The following ETHE1 variants were observed in gnomAD, a reference collection of about 807,000 sequenced individuals.
The protein encoded by ETHE1 is ETHE1 persulfide dioxygenase.
In ETHE1, 16 loss-of-function variants were observed where a neutral mutation model predicts 25.7. The ratio of observed to expected loss-of-function variants is 0.62; its 90% CI spans 0.42 to 0.95. The LOEUF (loss-of-function observed/expected upper bound fraction) is 0.95. Among genes scored for constraint, ETHE1 ranks in the 40% least tolerant of loss-of-function variants. The pLI, the probability that ETHE1 is intolerant of heterozygous loss-of-function variation, is 0.00. For synonymous variants in ETHE1, 139 were observed against 135.9 expected, an observed-to-expected ratio of 1.02 and a Z score of -0.16; for missense variants, 300 against 333.6, an observed-to-expected ratio of 0.90 and a Z score of 0.79.
At chr19:43,509,639 CA>C (rs1199628405) in intron 4 of ETHE1, among the ~76,000 whole-genome samples, 1 of 151,126 alleles carries the variant, frequency 6.6e-6, no homozygotes, top group Admixed American at 6.6e-5. Flanking sequence ...ACTAAAAATA[CA>C]AAAAAATTAG....
chr19:43,507,475 C>T (rs1294370686), intron 6 of ETHE1, among the ~76,000 whole-genome samples: 1 of 127,732 alleles, frequency 7.8e-6, no homozygotes, highest in Non-Finnish European at 1.7e-5. Flanking sequence ...GGAGTCCAGG[C>T]CCCCAGTTCC....
rs771375884 is a variant in ETHE1, at chr19:43,507,860, A to G, written c.712+84T>C. Reference sequence around the variant, plus strand: ...CTCAGACCCAGGAGTCCAGGCCCCCAGCCCCTCCTCTCTCAGACCCAGGAG... The same window carrying G: ...CTCAGACCCAGGAGTCCAGGCCCCCGGCCCCTCCTCTCTCAGACCCAGGAG... On this transcript the variant is annotated intron_variant, in intron 6 of 6. Coordinates refer to ENST00000292147, the MANE Select transcript of ETHE1 (RefSeq NM_014297.5). The G allele has an allele frequency of 1.6e-5, 19 of 1,180,278 alleles. 1 individual carries two copies. In the South Asian group the frequency reaches 2.5e-4, roughly 15 times the overall value. 73.1% of individuals were successfully genotyped at this position (1,180,278 alleles called of 1,614,324 possible).
At chr19:43,516,649 A>T in intron 3 of ETHE1, among the ~76,000 whole-genome samples, 1 of 114,820 alleles carries the variant, frequency 8.7e-6, no homozygotes, top group African/African-American at 3.5e-5. Flanking sequence ...TTTGAGATAG[A>T]GTCTCTCTCT....
At chr19:43,509,055 T>G (rs897406980) in intron 4 of ETHE1, among the ~76,000 whole-genome samples, 191 bp from the exon 5 acceptor site, 2 of 152,162 alleles carry the variant, frequency 1.3e-5, no homozygotes, top group Non-Finnish European at 2.9e-5. Flanking sequence ...ATACAAAGAA[T>G]TGAGGAATGT....
chr19:43,513,316 A>G (rs1170008879), intron 3 of ETHE1, among the ~76,000 whole-genome samples: 4 of 148,560 alleles, frequency 2.7e-5, no homozygotes, highest in Non-Finnish European at 6.0e-5. Context: ...CAGAACCCAG[A>G]GTGTTAGATC....
chr19:43,521,462 T>C (rs1400064407), intron 3 of ETHE1, among the ~76,000 whole-genome samples: 3 of 152,158 alleles, frequency 2.0e-5, no homozygotes, highest in Non-Finnish European at 4.4e-5. Flanking sequence ...AGGGTGTCTC[T>C]GGGCTTCACA....
At position 43,513,109 on chromosome 19, in the gene ETHE1, GGAGCCTCCAGCTAGATTTGA is replaced by G. The variant is rs1444654215; in HGVS notation, c.376-1563_376-1544del. Among the ~76,000 whole-genome samples, 5 of 152,314 alleles carry G rather than the reference GGAGCCTCCAGCTAGATTTGA, an allele frequency of 3.3e-5. No individual in the cohort carries two copies. The East Asian group carries it at 9.7e-4, about 29-fold the overall frequency. On this transcript the variant is annotated intron_variant, in intron 3 of 6. Transcript: ENST00000292147. ...AACAGAAGTCAAGAACAGAGGTTTG[GGAGCCTCCAGCTAGATTTGA>G]GAGGCTGTATGGAAATGCCTGGATG... is the stretch of plus-strand genomic sequence containing the variant.
chr19:43,526,761 A>G, intron 1 of ETHE1, 102 bp from the exon 2 acceptor site: 1 of 1,578,018 alleles, frequency 6.3e-7, no homozygotes, highest in Non-Finnish European at 8.6e-7. Context: ...ATCCAGAAGC[A>G]GAAACCCCAG....
rs181304895 is a variant in ETHE1, at chr19:43,507,462, C to A, written c.712+482G>T. Among the ~76,000 whole-genome samples the A allele has an allele frequency of 1.1e-3, 131 of 120,722 alleles. 3 individuals are homozygous for A. The highest frequency in any genetic ancestry group is 1.7e-3 in the Non-Finnish European group (97 of 57,648). 79.2% of individuals were successfully genotyped at this position (120,722 alleles called of 152,430 possible). On this transcript the variant is annotated intron_variant, in intron 6 of 6. Coordinates refer to ENST00000292147, the MANE Select transcript of ETHE1 (RefSeq NM_014297.5). ...GTCCCCAGTCCCTCCTCCCTCAGAT[C>A]CAGGAGTCCAGGCCCCCAGTTCCTC...
rs537464365 is a variant in ETHE1, at chr19:43,508,930, G to A, written c.506-66C>T. The A allele has an allele frequency of 1.7e-5, 21 of 1,209,118 alleles. No individual in the cohort carries two copies. In the East Asian group the frequency reaches 4.9e-4, roughly 28 times the overall value. The allele number at this position is 1,209,118 out of a possible 1,614,324, so 74.9% of individuals were successfully genotyped here. ...AGAAGACTCTAACCCCTTCCTTCAA[G>A]AAAAGGGTAGGAGGATAAAATCACT... On this transcript the variant is annotated intron_variant, in intron 4 of 6. Transcript: ENST00000292147.
chr19:43,517,961 A>C (rs981581202), intron 3 of ETHE1, among the ~76,000 whole-genome samples: 9 of 151,586 alleles, frequency 5.9e-5, no homozygotes, highest in Non-Finnish European at 1.3e-4. Flanking sequence ...AAAAAAAAAA[A>C]CAAAAAACAA....
intron 3 of ETHE1, among the ~76,000 whole-genome samples, chr19:43,525,153 AG>A (rs1972215154): frequency 6.8e-6 from 1 of 147,696 alleles, no homozygotes; most frequent in East Asian, 2.2e-4. Flanking sequence ...AAAGAAAGAA[AG>A]AAAAAAAAAA....
At chr19:43,516,096 T>G (rs1972013986) in intron 3 of ETHE1, among the ~76,000 whole-genome samples, 1 of 152,188 alleles carries the variant, frequency 6.6e-6, no homozygotes, top group Non-Finnish European at 1.5e-5. Context: ...CACGCTATGG[T>G]TGACCACAGA....
chr19:43,509,782 C>T (rs910661656), intron 4 of ETHE1, among the ~76,000 whole-genome samples: 3 of 152,018 alleles, frequency 2.0e-5, no homozygotes, highest in Admixed American at 6.6e-5. Context: ...GGCGACAGAG[C>T]GAGACTCCGT....
At chr19:43,526,735 CTA>C (rs1972258490) in intron 1 of ETHE1, 76 bp from the exon 2 acceptor site, 1 of 1,605,528 alleles carries the variant, frequency 6.2e-7, no homozygotes, top group African/African-American at 1.3e-5. Flanking sequence ...CAGACTGACC[CTA>C]TCCTCTTCCT....
chr19:43,525,976 CTT>C, intron 3 of ETHE1: 2 of 617,566 alleles, frequency 3.2e-6, no homozygotes, highest in Non-Finnish European at 5.7e-6. Context: ...ATGCTGTTGA[CTT>C]AGGAGTTCCG....
intron 3 of ETHE1, among the ~76,000 whole-genome samples, chr19:43,520,790 G>T (rs2682566): frequency 0.77 from 116,469 of 151,982 alleles, 45,292 homozygotes; most frequent in African/African-American, 0.92. Flanking sequence ...GTTTCACAAT[G>T]TTAAAAGGAG....
At chr19:43,522,579 T>C (rs1033523723) in intron 3 of ETHE1, among the ~76,000 whole-genome samples, 1 of 151,856 alleles carries the variant, frequency 6.6e-6, no homozygotes, top group Non-Finnish European at 1.5e-5. Flanking sequence ...CGGGGGAGGT[T>C]CAAGCGATTC....
At chr19:43,521,133 G>A (rs572039265) in intron 3 of ETHE1, among the ~76,000 whole-genome samples, 18 of 152,142 alleles carry the variant, frequency 1.2e-4, no homozygotes, top group Middle Eastern at 3.4e-3. Flanking sequence ...AGGTGCTCAC[G>A]ACCAGCCTGG....
Sources: allele counts gnomAD v4.1 joint callset (sites outside exome capture counted in the v4.1 genomes callset), GRCh38; gene constraint gnomAD v4.1.1; transcripts MANE v1.5; gene names NCBI Gene and HGNC (gene_info 2026-07-23, HGNC 2026-07-21).